The following PTK2B variants were observed in gnomAD, a reference collection of about 807,000 sequenced individuals.
PTK2B encodes protein-tyrosine kinase 2-beta.
A neutral mutation model predicts 142.9 loss-of-function variants in PTK2B; 71 were observed. That is an observed-to-expected ratio of 0.50 (90% CI 0.41 to 0.61). The LOEUF (loss-of-function observed/expected upper bound fraction) is 0.61. Ranked by LOEUF, PTK2B falls within the 20% of genes least tolerant of loss-of-function variation. PTK2B has a pLI of 0.00. For synonymous variants in PTK2B, 519 were observed against 503.4 expected (o/e 1.03, Z -0.42); for missense variants, 1,105 against 1,320.4 (o/e 0.84, Z 2.53).
intron 1 of PTK2B, chr8:27,396,088 T>A (rs1482262115): frequency 6.6e-6 from 1 of 152,330 alleles, no homozygotes; most frequent in East Asian, 1.9e-4. Flanking sequence ...CCTTGTGGAC[T>A]CTGAGCTTGG....
upstream of PTK2B, among the ~76,000 whole-genome samples, chr8:27,320,953 C>T (rs1426119908): frequency 7.2e-6 from 1 of 139,516 alleles, no homozygotes. Context: ...ACCTAAGCCA[C>T]CAGGCATCTC....
At chr8:27,405,176 G>T (rs1384817243) in intron 2 of PTK2B, among the ~76,000 whole-genome samples, 1 of 152,150 alleles carries the variant, frequency 6.6e-6, no homozygotes, top group African/African-American at 2.4e-5. Context: ...CTCTAGAGCT[G>T]TTTAGAAATA....
chr8:27,432,869 C>G (rs1810528099), intron 10 of PTK2B, among the ~76,000 whole-genome samples: 1 of 152,112 alleles, frequency 6.6e-6, no homozygotes, highest in South Asian at 2.1e-4. Context: ...CTCTGTCACC[C>G]AGGCTACAGT....
intron 30 of PTK2B, among the ~76,000 whole-genome samples, chr8:27,457,739 C>A (rs1812220896): frequency 6.6e-6 from 1 of 152,104 alleles, no homozygotes; most frequent in Non-Finnish European, 1.5e-5. Flanking sequence ...CTATGGGAGG[C>A]CAAGGTCGGA....
At chr8:27,379,647 GA>G (rs1313138252) in intron 1 of PTK2B, among the ~76,000 whole-genome samples, 8 of 152,168 alleles carry the variant, frequency 5.3e-5, no homozygotes, top group African/African-American at 1.9e-4. Context: ...TCCCTTAATT[GA>G]ATATGCCTAA....
rs998217694 is a variant in PTK2B at position 27,349,415 on chromosome 8, G to A, written c.-38+23734G>A. The stretch of plus-strand genomic sequence containing the variant: ...CACATGGCATACAGTCAGAGAACCC[G>A]TTAAATATCCTCTTCCTGTCCTTCC... On this transcript the variant is annotated intron_variant, in intron 1 of 30. Transcript: ENST00000346049. Among the ~76,000 whole-genome samples the A allele has an allele frequency of 4.6e-5, 7 of 152,190 alleles. No homozygotes were observed. The East Asian group carries it at 5.8e-4, about 13-fold the overall frequency.
rs1805821126 is a variant in PTK2B at position 27,363,245 on chromosome 8, A to G, written c.-37-34303A>G. On this transcript the variant is annotated intron_variant, in intron 1 of 30. Transcript: ENST00000346049. The surrounding 1 kb of genome is among the most constrained non-coding windows in gnomAD (Gnocchi z 4.3). ...TTTGAGGGAGAGAGGGGAGCCAGAG[A>G]GGACGTCTCGTGAGAAGTGTTTGGA... 6.6e-6 allele frequency among the ~76,000 whole-genome samples: 1 copy of G among 152,092 alleles called. No individual in the cohort carries two copies. Among genetic ancestry groups the G allele is most frequent in the African/African-American group, 2.4e-5 (1 of 41,398 alleles).
At chr8:27,370,964 C>T (rs1047667661) in intron 1 of PTK2B, among the ~76,000 whole-genome samples, 3 of 151,910 alleles carry the variant, frequency 2.0e-5, no homozygotes, top group South Asian at 2.1e-4. Flanking sequence ...GGTGCAGTCT[C>T]GGCTTACTGC....
intron 1 of PTK2B, chr8:27,396,017 A>G (rs886837732): frequency 1.3e-5 from 2 of 152,202 alleles, no homozygotes; most frequent in Non-Finnish European, 2.9e-5. Context: ...ATAAGAATAT[A>G]TATATCTTAA....
chr8:27,391,226 A>G (rs1012569904), intron 1 of PTK2B, among the ~76,000 whole-genome samples: 4 of 151,946 alleles, frequency 2.6e-5, no homozygotes, highest in African/African-American at 9.7e-5. Context: ...CCTCCCGAGT[A>G]GCTGGGATTA....
At chr8:27,323,918 AG>A (rs1803287173), upstream of PTK2B, among the ~76,000 whole-genome samples, 1 of 152,166 alleles carries the variant, frequency 6.6e-6, no homozygotes, top group African/African-American at 2.4e-5. Context: ...GTGGCCACAC[AG>A]GGGCAGCACA....
At chr8:27,425,712 A>G (rs552902459) in intron 5 of PTK2B, among the ~76,000 whole-genome samples, 3 of 152,344 alleles carry the variant, frequency 2.0e-5, no homozygotes, top group Non-Finnish European at 1.5e-5. Flanking sequence ...AATGACCTAT[A>G]TCTACCATTA....
chr8:27,454,539 G>A lies in PTK2B; in HGVS notation c.2742G>A (p.Gly914=). ...CCCCTTTCTCCCCCCAGAATGTGGG[G>A]CTGACCCTGCGGAAGCTCATCGGGA... ...EGYVVVVKNV[G]LTLRKLIGSV... is the part of the protein sequence containing the mutation. Residue 914 remains glycine, a synonymous_variant, in exon 30 of 31, where the codon GGG becomes GGA. Coordinates refer to ENST00000346049, the MANE Select transcript of PTK2B (RefSeq NM_173176.3). 6.2e-7 allele frequency: 1 copy of A among 1,614,180 alleles called. No individual in the cohort carries two copies. Among genetic ancestry groups the A allele is most frequent in the Non-Finnish European group, 8.5e-7 (1 of 1,180,020 alleles).
chr8:27,324,047 C>G (rs951350859), upstream of PTK2B, among the ~76,000 whole-genome samples: 1 of 152,186 alleles, frequency 6.6e-6, no homozygotes, highest in East Asian at 1.9e-4. Flanking sequence ...TGCCACTCAG[C>G]CTTCATCACT....
rs879824961 is a variant in PTK2B, at chr8:27,458,635, T to C, written c.*126T>C. The C allele has an allele frequency of 5.8e-5, 56 of 970,370 alleles. No individual in the cohort carries two copies. The highest frequency in any genetic ancestry group is 7.8e-5 in the Non-Finnish European group (51 of 653,628). The allele number at this position is 970,370 out of a possible 1,614,324, so 60.1% of individuals were successfully genotyped here. A position where few individuals can be genotyped will look rare whatever the true frequency, so the allele number is the denominator to read the frequency against. ...GGGGAGTCACCTTCCCTTGCCACTTTGCACGACGCCCTCTCCCCACCCCTA... is the reference window on the plus strand; with the variant it reads ...GGGGAGTCACCTTCCCTTGCCACTTCGCACGACGCCCTCTCCCCACCCCTA... On this transcript the variant is annotated 3_prime_UTR_variant, in exon 31 of 31. Coordinates refer to ENST00000346049, the MANE Select transcript of PTK2B (RefSeq NM_173176.3).
rs757669236 is a variant in PTK2B at position 27,458,716 on chromosome 8, C to G, written c.*207C>G. ...GACAGAGGGGACTCTGGGCTATGGA[C>G]ACAGGGTGACGGTGACAAAGATGGC... On this transcript the variant is annotated 3_prime_UTR_variant, in exon 31 of 31. Transcript: ENST00000346049. 3.3e-6 allele frequency: 2 copies of G among 602,550 alleles called. No individual in the cohort carries two copies. Among genetic ancestry groups the G allele is most frequent in the Non-Finnish European group, 5.9e-6 (2 of 341,598 alleles). 37.3% of individuals were successfully genotyped at this position (602,550 alleles called of 1,614,324 possible). A position where few individuals can be genotyped will look rare whatever the true frequency, so the allele number is the denominator to read the frequency against.
chr8:27,459,009 T>C lies in PTK2B; in HGVS notation c.*500T>C, dbSNP rs1390684517. The stretch of plus-strand genomic sequence containing the variant: ...GGGCCTGGCATTCTTGTACAGTGTA[T>C]ATTGAAATTTATTTAATGTGAGTTT... On this transcript the variant is annotated 3_prime_UTR_variant, in exon 31 of 31. Coordinates refer to ENST00000346049, the MANE Select transcript of PTK2B (RefSeq NM_173176.3). 3.7e-6 allele frequency: 1 copy of C among 269,758 alleles called. No individual in the cohort carries two copies. The highest frequency in any genetic ancestry group is 5.5e-5 in the East Asian group (1 of 18,180). The allele number at this position is 269,758 out of a possible 1,614,324, so 16.7% of individuals were successfully genotyped here. A position where few individuals can be genotyped will look rare whatever the true frequency, so the allele number is the denominator to read the frequency against.
chr8:27,387,588 C>G (rs528121672), intron 1 of PTK2B, among the ~76,000 whole-genome samples: 1 of 152,282 alleles, frequency 6.6e-6, no homozygotes, highest in South Asian at 2.1e-4. Context: ...AAGACGGCCT[C>G]TCAAACCCCA....
At chr8:27,339,591 G>C (rs533176678) in intron 1 of PTK2B, among the ~76,000 whole-genome samples, 1 of 152,332 alleles carries the variant, frequency 6.6e-6, no homozygotes, top group Non-Finnish European at 1.5e-5. Context: ...ATGGGCGAAA[G>C]CTTGAGAGAT....
Sources: gnomAD v4.1 joint callset for allele counts (sites outside exome capture counted in the v4.1 genomes callset) on GRCh38, gnomAD v4.1.1 for gene constraint, Gnocchi (gnomAD v3.1) non-coding constraint, MANE v1.5 for transcripts, NCBI Gene and HGNC (gene_info 2026-07-23, HGNC 2026-07-21) for gene names.